LEPROTL1: variants seen among roughly 807,000 people sequenced by gnomAD.
LEPROTL1 encodes the protein leptin receptor overlapping transcript like 1, also known as leptin receptor overlapping transcript-like 1.
A neutral mutation model predicts 15.4 loss-of-function variants in LEPROTL1; 6 were observed. That is an observed-to-expected ratio of 0.39 (90% CI 0.21 to 0.77). The LOEUF (loss-of-function observed/expected upper bound fraction) is 0.77, where lower values mean the gene tolerates loss of function less well. Among genes scored for constraint, LEPROTL1 ranks in the 30% least tolerant of loss-of-function variants. The pLI is 0.41. For synonymous variants in LEPROTL1, 56 were observed against 52.6 expected (o/e 1.06, Z -0.28); for missense variants, 128 against 158.1 (o/e 0.81, Z 1.02).
rs1041417416 is a variant in LEPROTL1 at position 30,107,116 on chromosome 8, C to T, written c.*1254C>T. ...ATTTTTAAGACAAGTTTCCTGTATA[C>T]CTCTGAACTGTTTTGATTTTGAGTT... On this transcript the variant is annotated 3_prime_UTR_variant, in exon 4 of 4. Transcript: ENST00000321250. 1.0e-6 allele frequency: 1 copy of T among 981,494 alleles called. No individual in the cohort carries two copies. The highest frequency in any genetic ancestry group is 1.2e-6 in the Non-Finnish European group (1 of 826,524). The allele number at this position is 981,494 out of a possible 1,614,324, so 60.8% of individuals were successfully genotyped here.
chr8:30,137,405 C>A, exon 5 of LEPROTL1: 2 of 1,551,694 alleles, frequency 1.3e-6, no homozygotes, highest in South Asian at 2.4e-5. Flanking sequence ...TCCACTCAAC[C>A]CGTGCTGAGG....
chr8:30,118,493 T>C (rs1802776697), intron 3 of LEPROTL1, among the ~76,000 whole-genome samples: 1 of 152,126 alleles, frequency 6.6e-6, no homozygotes, highest in African/African-American at 2.4e-5. Flanking sequence ...AACAGTAAGG[T>C]GTCAACAGGT....
chr8:30,133,595 T>G (rs1803073210), intron 4 of LEPROTL1, among the ~76,000 whole-genome samples: 1 of 152,074 alleles, frequency 6.6e-6, no homozygotes, highest in Non-Finnish European at 1.5e-5. Context: ...GGTTCTTGAA[T>G]TAATTCAGAA....
At position 30,108,036 on chromosome 8, in the gene LEPROTL1, A is replaced by C. The variant is rs1802598736; in HGVS notation, c.*2174A>C. 2 of 910,030 alleles carry C rather than the reference A, an allele frequency of 2.2e-6. No individual in the cohort carries two copies. The highest frequency in any genetic ancestry group is 2.6e-6 in the Non-Finnish European group (2 of 761,426). 56.4% of individuals were successfully genotyped at this position (910,030 alleles called of 1,614,324 possible). Reference sequence around the variant, plus strand: ...TTCTTCTATGGAAAGAAAACTTTTGATGATGAAACAATAAAGATTTTAAAT... The same window carrying C: ...TTCTTCTATGGAAAGAAAACTTTTGCTGATGAAACAATAAAGATTTTAAAT... On this transcript the variant is annotated 3_prime_UTR_variant, in exon 4 of 4. Coordinates refer to ENST00000321250, the MANE Select transcript of LEPROTL1 (RefSeq NM_015344.3).
intron 3 of LEPROTL1, among the ~76,000 whole-genome samples, chr8:30,131,259 C>T (rs865824131): frequency 5.0e-5 from 7 of 141,304 alleles, no homozygotes; most frequent in African/African-American, 1.3e-4. Flanking sequence ...CCCAAATATA[C>T]ATATATATAT....
intron 4 of LEPROTL1, among the ~76,000 whole-genome samples, chr8:30,135,501 A>G (rs190022901): frequency 6.6e-6 from 1 of 152,212 alleles, no homozygotes; most frequent in African/African-American, 2.4e-5. Context: ...TGAGGAATGG[A>G]TCACAATGTG....
At chr8:30,116,378 A>AG (rs1199680924) in intron 3 of LEPROTL1, among the ~76,000 whole-genome samples, 2 of 152,068 alleles carry the variant, frequency 1.3e-5, no homozygotes, top group Non-Finnish European at 2.9e-5. Context: ...ATGGACAGGG[A>AG]GGCGGGGGAT....
chr8:30,107,307 C>T lies in LEPROTL1; in HGVS notation c.*1445C>T. The T allele has an allele frequency of 1.0e-6, 1 of 985,562 alleles. No homozygotes were observed. The highest frequency in any genetic ancestry group is 1.2e-6 in the Non-Finnish European group (1 of 829,808). The allele number at this position is 985,562 out of a possible 1,614,324, so 61.1% of individuals were successfully genotyped here. A position where few individuals can be genotyped will look rare whatever the true frequency, so the allele number is the denominator to read the frequency against. On this transcript the variant is annotated 3_prime_UTR_variant, in exon 4 of 4. Coordinates refer to ENST00000321250, the MANE Select transcript of LEPROTL1 (RefSeq NM_015344.3). ...GTGGTCGTTTACATCTAATAATTAT[C>T]AGGACTTTTTTCAGGAGTGGGTTAT...
intron 1 of LEPROTL1, among the ~76,000 whole-genome samples, chr8:30,097,418 A>T (rs971738761): frequency 7.9e-5 from 12 of 152,148 alleles, no homozygotes; most frequent in African/African-American, 2.6e-4. Context: ...CACACCTGTA[A>T]TCCCAGCACT....
intron 3 of LEPROTL1, among the ~76,000 whole-genome samples, chr8:30,129,320 T>G (rs1410543615): frequency 6.6e-6 from 1 of 152,256 alleles, no homozygotes; most frequent in African/African-American, 2.4e-5. Flanking sequence ...GACCTATAAC[T>G]TTCTAAGTTA....
downstream of LEPROTL1, among the ~76,000 whole-genome samples, chr8:30,112,770 G>A (rs1016432174): frequency 1.3e-5 from 2 of 151,940 alleles, no homozygotes; most frequent in Non-Finnish European, 2.9e-5. Context: ...AAAGTGGTGA[G>A]ATTTAAATGT....
chr8:30,105,598 A>T, intron 3 of LEPROTL1, 148 bp from the exon 4 acceptor site: 1 of 236,528 alleles, frequency 4.2e-6, no homozygotes. Flanking sequence ...ATATATATTT[A>T]TAAGTATGTG....
chr8:30,110,367 G>C (rs187365315), downstream of LEPROTL1, among the ~76,000 whole-genome samples: 33 of 151,714 alleles, frequency 2.2e-4, no homozygotes, highest in East Asian at 5.2e-3. Flanking sequence ...GCAGTACTCC[G>C]TGTGTGTGTG....
chr8:30,097,783 A>G (rs1585459556), intron 1 of LEPROTL1, among the ~76,000 whole-genome samples: 2 of 151,706 alleles, frequency 1.3e-5, no homozygotes, highest in African/African-American at 4.8e-5. Flanking sequence ...ATTCCCCCAA[A>G]CAAATGTTAT....
intron 3 of LEPROTL1, chr8:30,131,829 A>C: frequency 7.5e-7 from 1 of 1,341,778 alleles, no homozygotes; most frequent in African/African-American, 1.5e-5. Context: ...ATCCATCCAA[A>C]ACTTTAGAAA....
At chr8:30,127,417 T>C (rs1272002047) in intron 3 of LEPROTL1, among the ~76,000 whole-genome samples, 1 of 152,186 alleles carries the variant, frequency 6.6e-6, no homozygotes, top group Non-Finnish European at 1.5e-5. Context: ...ATGGGCGCTG[T>C]TTCCATGGGT....
chr8:30,124,696 G>C (rs1016999878), intron 3 of LEPROTL1, among the ~76,000 whole-genome samples: 1 of 152,018 alleles, frequency 6.6e-6, no homozygotes, highest in Non-Finnish European at 1.5e-5. Flanking sequence ...ATATAGTTAT[G>C]TAAATAACTA....
chr8:30,103,495 C>CT (rs966453836), intron 2 of LEPROTL1, among the ~76,000 whole-genome samples: 1 of 152,034 alleles, frequency 6.6e-6, no homozygotes, highest in African/African-American at 2.4e-5. Context: ...AATCCTAGCA[C>CT]TTTGGGAGGC....
Position 30,106,741 on chromosome 8 carries a change from T to A in LEPROTL1, c.*879T>A, listed in dbSNP as rs955790557. ...TATCAACCTTTCATGTTTTACCCTG[T>A]TAAAATGGACATACATGGAACCACT... is the stretch of plus-strand genomic sequence containing the variant. On this transcript the variant is annotated 3_prime_UTR_variant, in exon 4 of 4. Coordinates refer to ENST00000321250, the MANE Select transcript of LEPROTL1 (RefSeq NM_015344.3). The A allele has an allele frequency of 1.0e-6, 1 of 985,182 alleles. No homozygotes were observed. The highest frequency in any genetic ancestry group is 1.2e-6 in the Non-Finnish European group (1 of 829,432). 61.0% of individuals were successfully genotyped at this position (985,182 alleles called of 1,614,324 possible).
Sources: allele counts gnomAD v4.1 joint callset (sites outside exome capture counted in the v4.1 genomes callset), GRCh38; gene constraint gnomAD v4.1.1; transcripts MANE v1.5; gene names NCBI Gene and HGNC (gene_info 2026-07-23, HGNC 2026-07-21).